SUMF1: variants seen among roughly 807,000 people sequenced by gnomAD.
The protein encoded by SUMF1 is formylglycine-generating enzyme.
In SUMF1, 48 loss-of-function variants were observed where a neutral mutation model predicts 47.6. That is an observed-to-expected ratio of 1.01 (90% CI 0.80 to 1.28). The LOEUF is 1.28. Among genes scored for constraint, SUMF1 ranks in the 50% most tolerant of loss-of-function variants. The probability of loss-of-function intolerance (pLI) is 0.00; values close to 1 mark genes in which losing one functional copy is unlikely to be tolerated. For missense variants in SUMF1, 571 were observed against 485.4 expected (o/e 1.18, Z -1.66); for synonymous variants, 230 against 192.1 (o/e 1.20, Z -1.63).
At chr3:4,082,727 T>C (rs886237705) in intron 8 of SUMF1, among the ~76,000 whole-genome samples, 4 of 152,154 alleles carry the variant, frequency 2.6e-5, no homozygotes, top group African/African-American at 7.2e-5. Flanking sequence ...TATTAATGAA[T>C]AGACATTTTA....
chr3:4,394,837 C>G (rs1157966534), intron 7 of SUMF1, among the ~76,000 whole-genome samples: 1 of 152,216 alleles, frequency 6.6e-6, no homozygotes, highest in Non-Finnish European at 1.5e-5. Flanking sequence ...GCACTAGCTT[C>G]TCCTGTATGA....
intron 3 of SUMF1, among the ~76,000 whole-genome samples, chr3:4,444,966 G>T (rs181116657): frequency 6.6e-6 from 1 of 152,336 alleles, no homozygotes; most frequent in East Asian, 1.9e-4. Flanking sequence ...AAGCCATGAA[G>T]CCATGAAGGA....
intron 8 of SUMF1, among the ~76,000 whole-genome samples, chr3:4,210,173 G>T (rs1416125611): frequency 1.3e-5 from 2 of 152,176 alleles, no homozygotes. Context: ...GGGATTACAG[G>T]TGTGAGCCAC....
At chr3:4,142,390 C>G (rs1185534021) in intron 8 of SUMF1, among the ~76,000 whole-genome samples, 1 of 152,094 alleles carries the variant, frequency 6.6e-6, no homozygotes, top group Non-Finnish European at 1.5e-5. Flanking sequence ...GTCACATGCC[C>G]TCACCTACAC....
At chr3:4,264,663 T>G (rs1697152748) in intron 8 of SUMF1, among the ~76,000 whole-genome samples, 1 of 152,146 alleles carries the variant, frequency 6.6e-6, no homozygotes, top group Non-Finnish European at 1.5e-5. Context: ...CAAGTCTGGG[T>G]GATAAAATGG....
At chr3:4,078,222 C>T (rs1692481750) in intron 8 of SUMF1, among the ~76,000 whole-genome samples, 1 of 152,018 alleles carries the variant, frequency 6.6e-6, no homozygotes, top group South Asian at 2.1e-4. Context: ...TATGGGCATC[C>T]CTCAAAATCA....
At position 4,254,019 on chromosome 3, in the gene SUMF1, G is replaced by A. The variant is rs1236164451; in HGVS notation, c.1014+122311C>T. On this transcript the variant is annotated intron_variant and NMD_transcript_variant, in intron 8 of 12. Coordinates refer to the SUMF1 transcript ENST00000448413. The stretch of plus-strand genomic sequence containing the variant: ...CAAGGGCACACTGACACCACACACA[G>A]CAGGGTATTCCAACAGACCTGCAGC... Among the ~76,000 whole-genome samples, 3 of 150,830 alleles carry A rather than the reference G, an allele frequency of 2.0e-5. No individual in the cohort carries two copies. The South Asian group carries it at 6.4e-4, about 32-fold the overall frequency.
At chr3:4,350,050 G>C (rs1160436411) in intron 8 of SUMF1, among the ~76,000 whole-genome samples, 3 of 150,812 alleles carry the variant, frequency 2.0e-5, no homozygotes, top group Non-Finnish European at 4.4e-5. Flanking sequence ...GCCCAGGCTG[G>C]AGCGCAGTGG....
chr3:4,261,210 T>C (rs954226566), intron 8 of SUMF1, among the ~76,000 whole-genome samples: 2 of 152,212 alleles, frequency 1.3e-5, no homozygotes, highest in East Asian at 1.9e-4. Flanking sequence ...GTTTGCTTTA[T>C]GTAATTTTTT....
chr3:4,457,058 G>GTATATATATATATATATGTGTGTGTA (rs373828142), intron 1 of SUMF1, among the ~76,000 whole-genome samples: 1 of 86,048 alleles, frequency 1.2e-5, no homozygotes, highest in African/African-American at 3.3e-5. Context: ...ATACGTGTGT[G>GTATATATATATATATATGTGTGTGTA]TATATATATA....
intron 1 of SUMF1, among the ~76,000 whole-genome samples, chr3:4,455,276 T>C (rs1305590920): frequency 6.6e-6 from 1 of 152,144 alleles, no homozygotes; most frequent in African/African-American, 2.4e-5. Flanking sequence ...CATAAGAAAC[T>C]ACTTATAAAC....
intron 7 of SUMF1, among the ~76,000 whole-genome samples, chr3:4,398,046 T>C (rs147833924): frequency 1.9e-3 from 296 of 152,254 alleles, no homozygotes; most frequent in Admixed American, 3.3e-3. Flanking sequence ...ACTAACTTGC[T>C]CCAGGTTATT....
At chr3:4,253,579 G>A (rs1447219993) in intron 8 of SUMF1, among the ~76,000 whole-genome samples, 5 of 151,910 alleles carry the variant, frequency 3.3e-5, no homozygotes, top group African/African-American at 9.7e-5. Context: ...CGCACCATGA[G>A]ACTATATCCC....
At chr3:4,331,867 G>C (rs1215617417) in intron 8 of SUMF1, among the ~76,000 whole-genome samples, 1 of 152,088 alleles carries the variant, frequency 6.6e-6, no homozygotes, top group African/African-American at 2.4e-5. Context: ...AAAGACATAA[G>C]TTTATAGACA....
chr3:4,226,735 C>T (rs1170640049), intron 8 of SUMF1, among the ~76,000 whole-genome samples: 5 of 152,138 alleles, frequency 3.3e-5, no homozygotes, highest in Admixed American at 1.3e-4. Flanking sequence ...CAATTCTAAA[C>T]GAGACAACCT....
chr3:4,215,967 A>T (rs577111418), intron 8 of SUMF1, among the ~76,000 whole-genome samples: 2 of 152,336 alleles, frequency 1.3e-5, no homozygotes, highest in Non-Finnish European at 2.9e-5. Flanking sequence ...CATACTGCCC[A>T]AAGTAATTTA....
intron 9 of SUMF1, among the ~76,000 whole-genome samples, chr3:4,050,077 A>T (rs951976213): frequency 1.3e-5 from 2 of 151,604 alleles, no homozygotes; most frequent in Admixed American, 6.6e-5. Context: ...CTGCTTCTGG[A>T]GCCTGCAGTC....
chr3:4,199,564 G>A (rs185332100), intron 8 of SUMF1, among the ~76,000 whole-genome samples: 2 of 152,188 alleles, frequency 1.3e-5, no homozygotes, highest in African/African-American at 4.8e-5. Flanking sequence ...TTTTCAAAGT[G>A]GCTATATCAT....
chr3:4,364,566 T>C (rs1699883488), intron 8 of SUMF1, among the ~76,000 whole-genome samples: 1 of 151,388 alleles, frequency 6.6e-6, no homozygotes, highest in South Asian at 2.1e-4. Flanking sequence ...GGATCGGTGG[T>C]GATATCCCCT....
Sources: gnomAD v4.1 joint callset for allele counts (sites outside exome capture counted in the v4.1 genomes callset) on GRCh38, gnomAD v4.1.1 for gene constraint, MANE v1.5 for transcripts, NCBI Gene and HGNC (gene_info 2026-07-23, HGNC 2026-07-21) for gene names.